Variants in CPXM2 observed in about 807,000 individuals in gnomAD.
CPXM2 encodes carboxypeptidase X, M14 family member 2.
Under a neutral mutation model 86.1 loss-of-function variants are expected in CPXM2, and 66 were observed. That is an observed-to-expected ratio of 0.77 (90% CI 0.63 to 0.94). CPXM2 has a LOEUF of 0.94. Ranked by LOEUF, CPXM2 falls within the 40% of genes least tolerant of loss-of-function variation. The probability of loss-of-function intolerance (pLI) is 0.00; values close to 1 mark genes in which losing one functional copy is unlikely to be tolerated. For synonymous variants in CPXM2, 388 were observed against 400.2 expected (o/e 0.97, Z 0.36); for missense variants, 948 against 1,026.3 (o/e 0.92, Z 1.04).
chr10:123,761,985 T>TA lies in CPXM2; in HGVS notation c.1663dup (p.Tyr555LeufsTer60). The TA allele has an allele frequency of 6.2e-7, 1 of 1,613,680 alleles. No individual in the cohort carries two copies. The highest frequency in any genetic ancestry group is 8.5e-7 in the Non-Finnish European group (1 of 1,179,780). On this transcript the variant is annotated frameshift_variant, in exon 11 of 14. Coordinates refer to ENST00000241305, the MANE Select transcript of CPXM2 (RefSeq NM_198148.3). LOFTEE classifies it high-confidence loss of function. ...TGTCATGAGGCGGTGTGTGGAGGCA[T>TA]AGGAGTAGGCCAGCCAGCGGAACAC...
intron 3 of CPXM2, among the ~76,000 whole-genome samples, chr10:123,861,219 A>AG (rs1848842798): frequency 6.6e-6 from 1 of 152,184 alleles, no homozygotes; most frequent in South Asian, 2.1e-4. Context: ...TCTCAGGGCC[A>AG]GGGGCAAGGA....
chr10:123,815,407 T>G (rs568146669), intron 4 of CPXM2, among the ~76,000 whole-genome samples: 1 of 152,178 alleles, frequency 6.6e-6, no homozygotes, highest in Non-Finnish European at 1.5e-5. Context: ...AGTGTTAAAG[T>G]GAGGGCATTC....
intron 10 of CPXM2, among the ~76,000 whole-genome samples, chr10:123,764,582 G>A (rs2133993754): frequency 6.6e-6 from 1 of 152,176 alleles, no homozygotes; most frequent in Non-Finnish European, 1.5e-5. Context: ...CACCTCCCAG[G>A]TTAAAGCGAT....
intron 2 of CPXM2, among the ~76,000 whole-genome samples, chr10:123,903,050 A>G (rs2134262543): frequency 6.6e-6 from 1 of 152,250 alleles, no homozygotes; most frequent in Non-Finnish European, 1.5e-5. Flanking sequence ...GCCCAACTCT[A>G]ACGCCTCCTC....
intron 3 of CPXM2, chr10:123,843,270 G>A: frequency 2.2e-6 from 1 of 455,392 alleles, no homozygotes; most frequent in South Asian, 1.6e-5. Context: ...CTTTTGATCT[G>A]AATTTCCAAG....
At chr10:123,869,782 A>C (rs914872347) in intron 2 of CPXM2, among the ~76,000 whole-genome samples, 7 of 152,158 alleles carry the variant, frequency 4.6e-5, no homozygotes, top group African/African-American at 7.2e-5. Context: ...AGTCCTCATC[A>C]TCATCATCAT....
chr10:123,894,511 A>G (rs141809792), upstream of CPXM2, among the ~76,000 whole-genome samples: 84 of 152,222 alleles, frequency 5.5e-4, 2 homozygotes, highest in East Asian at 0.016. Context: ...TCCTTTGTCT[A>G]CCTCTGGCTC....
Position 123,937,470 on chromosome 10 carries a change from AACACACACACACACACACACACACAC to A in CPXM2, n.174+1981_174+2006del, listed in dbSNP as rs201368456. On this transcript the variant is annotated intron_variant and non_coding_transcript_variant, in intron 2 of 19. Coordinates refer to the CPXM2 transcript ENST00000368854. ...TGTTAGAAAAACAAGACAACAAAAC[AACACACACACACACACACACACACAC>A]ACACACACACACACACACACACACT... Among the ~76,000 whole-genome samples, 425 of 132,666 alleles carry A rather than the reference AACACACACACACACACACACACACAC, an allele frequency of 3.2e-3. 1 individual carries two copies. Among genetic ancestry groups the A allele is most frequent in the Non-Finnish European group, 5.6e-3 (347 of 61,716 alleles). 87.0% of individuals were successfully genotyped at this position (132,666 alleles called of 152,430 possible).
chr10:123,768,675 G>T lies in CPXM2; in HGVS notation c.1150C>A (p.Leu384Met). The T allele has an allele frequency of 6.2e-7, 1 of 1,612,440 alleles. No individual in the cohort carries two copies. The highest frequency in any genetic ancestry group is 1.3e-5 in the African/African-American group (1 of 75,056). ...YIAGAHGNEV[L>M]GRELLLLLVQ... Reference sequence around the variant, plus strand: ...AGCAGCAGCAGCAGCTCCCGGCCCAGCACCTCATTGCCGTGGGCCCCCGCG... The same window carrying T: ...AGCAGCAGCAGCAGCTCCCGGCCCATCACCTCATTGCCGTGGGCCCCCGCG... The change falls in exon 9 of 14, where the codon CTG (leucine) becomes ATG (methionine). Residue 384 changes from leucine (L) to methionine (M), a missense_variant. Coordinates refer to ENST00000241305, the MANE Select transcript of CPXM2 (RefSeq NM_198148.3).
At chr10:123,934,598 T>G (rs937152894) in intron 2 of CPXM2, among the ~76,000 whole-genome samples, 19 of 152,024 alleles carry the variant, frequency 1.2e-4, no homozygotes, top group African/African-American at 4.6e-4. Flanking sequence ...GAGGCTCAAG[T>G]GGACATGAAT....
intron 3 of CPXM2, among the ~76,000 whole-genome samples, chr10:123,853,580 G>A (rs993942372): frequency 3.3e-5 from 5 of 152,194 alleles, no homozygotes; most frequent in African/African-American, 1.2e-4. Flanking sequence ...TTGTGTTTTT[G>A]TGTTGTTGTT....
chr10:123,781,503 C>T (rs928887991), intron 6 of CPXM2, among the ~76,000 whole-genome samples: 15 of 152,158 alleles, frequency 9.9e-5, no homozygotes, highest in African/African-American at 3.4e-4. Flanking sequence ...ATTTTCTGCT[C>T]AGTGTTCAGC....
Position 123,780,191 on chromosome 10 carries a change from G to C in CPXM2, c.954C>G (p.His318Gln). 6.2e-7 allele frequency: 1 copy of C among 1,609,036 alleles called. No individual in the cohort carries two copies. Among genetic ancestry groups the C allele is most frequent in the Non-Finnish European group, 8.5e-7 (1 of 1,175,374 alleles). The change falls in exon 7 of 14, where the codon CAC becomes CAG. Residue 318 changes from histidine (H) to glutamine (Q), a missense_variant. His to Gln is a conservative substitution (Grantham distance 24, BLOSUM62 0). Transcript: ENST00000241305. ...CCTGGCGCATTTCCTTATAATTGTGGTGCTTAAAATCCAGGTCATCAGTGG... is the reference window on the plus strand; with the variant it reads ...CCTGGCGCATTTCCTTATAATTGTGCTGCTTAAAATCCAGGTCATCAGTGG... ...MTTTDDLDFK[H>Q]HNYKEMRQLM...
rs779902262 is a variant in CPXM2 at position 123,746,895 on chromosome 10, A to C, written c.2140T>G (p.Cys714Gly). 6.2e-7 allele frequency: 1 copy of C among 1,613,470 alleles called. No homozygotes were observed. The highest frequency in any genetic ancestry group is 8.5e-7 in the Non-Finnish European group (1 of 1,179,870). The change falls in exon 14 of 14, where the codon TGT becomes GGT. Residue 714 changes from cysteine to glycine, a missense_variant. Coordinates refer to ENST00000241305, the MANE Select transcript of CPXM2 (RefSeq NM_198148.3). ...MVGYDMGATR[C>G]DFTLSKTNMA... ...TTGGTTTTGCTAAGTGTGAAGTCAC[A>C]CCTTGTGGCCCCCATGTCATAGCCA...
At chr10:123,877,586 C>G (rs780139670) in intron 2 of CPXM2, among the ~76,000 whole-genome samples, 1 of 152,202 alleles carries the variant, frequency 6.6e-6, no homozygotes, top group Non-Finnish European at 1.5e-5. Context: ...GGGCTCAGAA[C>G]TGACACATGA....
intron 6 of CPXM2, among the ~76,000 whole-genome samples, chr10:123,794,764 T>TGTGC (rs1847290428): frequency 6.6e-6 from 1 of 151,114 alleles, no homozygotes; most frequent in African/African-American, 2.5e-5. Context: ...TGTGTGTGTG[T>TGTGC]GTGTGCGCAT....
At chr10:123,830,050 T>C (rs1157431901) in intron 4 of CPXM2, among the ~76,000 whole-genome samples, 1 of 151,954 alleles carries the variant, frequency 6.6e-6, no homozygotes, top group Non-Finnish European at 1.5e-5. Flanking sequence ...ATAATAAATG[T>C]ACTAGAAGAA....
chr10:123,941,039 T>C (rs1361985090), upstream of CPXM2, among the ~76,000 whole-genome samples: 1 of 152,038 alleles, frequency 6.6e-6, no homozygotes, highest in East Asian at 1.9e-4. Context: ...GGCGTGCTGG[T>C]GGGTGCCTGT....
chr10:123,863,466 C>T (rs973693679), intron 2 of CPXM2, among the ~76,000 whole-genome samples: 1 of 152,208 alleles, frequency 6.6e-6, no homozygotes, highest in Non-Finnish European at 1.5e-5. Context: ...CCGAGGCTGA[C>T]CTCACAGAGA....
Sources: allele counts gnomAD v4.1 joint callset (sites outside exome capture counted in the v4.1 genomes callset), GRCh38; gene constraint gnomAD v4.1.1; transcripts MANE v1.5; gene names NCBI Gene and HGNC (gene_info 2026-07-23, HGNC 2026-07-21).